RASA1: variants seen among roughly 807,000 people sequenced by gnomAD.
RASA1 encodes the protein RAS p21 protein activator 1.
RASA1 carries 25 observed loss-of-function variants against 132.2 expected under a neutral mutation model. That is an observed-to-expected ratio of 0.19 (90% CI 0.14 to 0.26). The LOEUF is 0.26. Among genes scored for constraint, RASA1 ranks in the 10% least tolerant of loss-of-function variants. The probability of loss-of-function intolerance (pLI) is 1.00; values close to 1 mark genes in which losing one functional copy is unlikely to be tolerated. For synonymous variants in RASA1, 477 were observed against 449.9 expected, an observed-to-expected ratio of 1.06 and a Z score of -0.76; for missense variants, 964 against 1,299.2, an observed-to-expected ratio of 0.74 and a Z score of 3.97.
chr5:87,354,446 G>A (rs1156332472), intron 9 of RASA1, among the ~76,000 whole-genome samples: 1 of 151,968 alleles, frequency 6.6e-6, no homozygotes, highest in Non-Finnish European at 1.5e-5. Context: ...TGTTACTATT[G>A]CAATTGTTTT....
At chr5:87,338,922 A>T (rs1417560595) in intron 5 of RASA1, among the ~76,000 whole-genome samples, 2 of 152,084 alleles carry the variant, frequency 1.3e-5, no homozygotes, top group Non-Finnish European at 2.9e-5. Context: ...TTATCATGGT[A>T]TCAATTACCA....
intron 1 of RASA1, among the ~76,000 whole-genome samples, chr5:87,301,296 A>G (rs572240471): frequency 1.3e-5 from 2 of 152,286 alleles, no homozygotes; most frequent in South Asian, 2.1e-4. Context: ...AAGTTTTAGT[A>G]TAGAGTTTTT....
In RASA1 at chr5:87,268,586, A is replaced by G; in HGVS notation, c.135A>G (p.Ala45=). The G allele has an allele frequency of 6.2e-7, 1 of 1,609,920 alleles. No individual in the cohort carries two copies. Among genetic ancestry groups the G allele is most frequent in the Non-Finnish European group, 8.5e-7 (1 of 1,178,722 alleles). ...RVKIPAALPV[A]AAPYPGLVET... is the part of the protein sequence containing the mutation. ...AGATACCCGCGGCCCTGCCTGTGGCAGCCGCCCCCTATCCTGGGCTGGTGG... is the reference window on the plus strand; with the variant it reads ...AGATACCCGCGGCCCTGCCTGTGGCGGCCGCCCCCTATCCTGGGCTGGTGG... Residue 45 remains alanine (A), a synonymous_variant, in exon 1 of 25, where the codon GCA becomes GCG. Transcript: ENST00000274376.
intron 1 of RASA1, among the ~76,000 whole-genome samples, chr5:87,319,888 C>T (rs1250197890): frequency 2.6e-5 from 4 of 152,234 alleles, no homozygotes; most frequent in Non-Finnish European, 5.9e-5. Flanking sequence ...TGTTCTGCTT[C>T]CCTTTTAAAC....
At chr5:87,320,994 G>C (rs544252064) in intron 1 of RASA1, among the ~76,000 whole-genome samples, 1 of 152,288 alleles carries the variant, frequency 6.6e-6, no homozygotes, top group African/African-American at 2.4e-5. Context: ...ATAGCAATTT[G>C]TACACTTCTG....
chr5:87,270,315 G>T, intron 1 of RASA1, among the ~76,000 whole-genome samples: 1 of 149,776 alleles, frequency 6.7e-6, no homozygotes. Flanking sequence ...TATGTTGACA[G>T]TCACTCTGGA....
chr5:87,282,065 GT>G (rs1324422571), intron 1 of RASA1, among the ~76,000 whole-genome samples: 6 of 151,660 alleles, frequency 4.0e-5, no homozygotes, highest in Non-Finnish European at 7.4e-5. Context: ...CAGCTTACTT[GT>G]TTTTTTCTTT....
intron 1 of RASA1, 151 bp downstream of exon 1, chr5:87,269,141 A>G (rs1282266313): frequency 1.2e-6 from 2 of 1,613,320 alleles, no homozygotes; most frequent in East Asian, 2.2e-5. Flanking sequence ...ATTTAATCTG[A>G]TCACTTATCT....
At chr5:87,280,438 A>G (rs61522170) in intron 1 of RASA1, among the ~76,000 whole-genome samples, 5,503 of 151,852 alleles carry the variant, frequency 0.036, 191 homozygotes, top group African/African-American at 0.08. Context: ...TCAGCCTCCC[A>G]AGTAGCTAGA....
intron 11 of RASA1, among the ~76,000 whole-genome samples, chr5:87,365,692 A>T (rs776499841): frequency 6.6e-5 from 10 of 152,208 alleles, no homozygotes; most frequent in Admixed American, 2.6e-4. Context: ...CATTAGACTC[A>T]TAAGATAAAA....
chr5:87,380,889 T>C (rs914737696), intron 20 of RASA1, among the ~76,000 whole-genome samples: 13 of 152,196 alleles, frequency 8.5e-5, no homozygotes, highest in African/African-American at 2.9e-4. Flanking sequence ...TAACTTCATA[T>C]AGTATTCTTC....
Position 87,379,768 on chromosome 5 carries a change from G to A in RASA1, c.2521G>A (p.Val841Met), listed in dbSNP as rs372941256. The stretch of plus-strand genomic sequence containing the variant: ...ATCAAAGTTAGAAAAAAATGAAGAT[G>A]TGAACACTAATTTAACACACCTATT... ...SPSKLEKNED[V>M]NTNLTHLLNI... The change falls in exon 19 of 25, where the codon GTG becomes ATG. Residue 841 changes from valine (V) to methionine (M), a missense_variant. Around this residue, in one of 6 missense-constraint regions of RASA1, gnomAD observed 346 missense variants for 520.1 expected, o/e 0.67. Coordinates refer to ENST00000274376, the MANE Select transcript of RASA1 (RefSeq NM_002890.3). The A allele has an allele frequency of 1.9e-6, 3 of 1,612,494 alleles. No homozygotes were observed. The highest frequency in any genetic ancestry group is 2.7e-5 in the African/African-American group (2 of 74,866).
At chr5:87,385,029 C>T (rs1761972198) in intron 21 of RASA1, among the ~76,000 whole-genome samples, 1 of 151,982 alleles carries the variant, frequency 6.6e-6, no homozygotes, top group Non-Finnish European at 1.5e-5. Flanking sequence ...ATAGTATCAA[C>T]CGTTGGAAAC....
intron 1 of RASA1, chr5:87,331,109 G>T: frequency 1.1e-6 from 1 of 883,190 alleles, no homozygotes; most frequent in South Asian, 1.7e-5. Flanking sequence ...AAATGGAAGA[G>T]ATTTATATAT....
intron 1 of RASA1, among the ~76,000 whole-genome samples, chr5:87,290,828 C>G (rs1754882563): frequency 6.6e-6 from 1 of 152,024 alleles, no homozygotes; most frequent in African/African-American, 2.4e-5. Flanking sequence ...TAGCTAATTT[C>G]TTTTTTTGTC....
intron 1 of RASA1, among the ~76,000 whole-genome samples, chr5:87,276,969 T>G (rs1209659217): frequency 1.3e-5 from 2 of 152,200 alleles, no homozygotes; most frequent in Non-Finnish European, 2.9e-5. Flanking sequence ...TCATACTGTT[T>G]CACATATATT....
chr5:87,355,075 A>G (rs1369237136), intron 9 of RASA1, among the ~76,000 whole-genome samples: 1 of 152,216 alleles, frequency 6.6e-6, no homozygotes, highest in Non-Finnish European at 1.5e-5. Flanking sequence ...TGTACGGTGA[A>G]GCAAAGAAAC....
At chr5:87,357,925 CAG>C (rs747679951) in intron 9 of RASA1, among the ~76,000 whole-genome samples, 1 of 152,126 alleles carries the variant, frequency 6.6e-6, no homozygotes, top group East Asian at 1.9e-4. Flanking sequence ...GATTGCTACA[CAG>C]AAACTATTAA....
chr5:87,299,421 A>T (rs1561264690), intron 1 of RASA1, among the ~76,000 whole-genome samples: 1 of 152,202 alleles, frequency 6.6e-6, no homozygotes, highest in Non-Finnish European at 1.5e-5. Flanking sequence ...TTTGTAAAAT[A>T]TAGTAACATT....
Sources: allele counts gnomAD v4.1 joint callset (sites outside exome capture counted in the v4.1 genomes callset), GRCh38; gene constraint gnomAD v4.1.1; regional missense constraint gnomAD v4.1.1; transcripts MANE v1.5; gene names NCBI Gene and HGNC (gene_info 2026-07-23, HGNC 2026-07-21).